PAPSS2: variants seen among roughly 807,000 people sequenced by gnomAD.
PAPSS2 encodes the protein 3'-phosphoadenosine 5'-phosphosulfate synthase 2.
In PAPSS2, 61 loss-of-function variants were observed where a neutral mutation model predicts 66.5. The ratio of observed to expected loss-of-function variants is 0.92; its 90% CI spans 0.75 to 1.14. The LOEUF is 1.14. PAPSS2 is among the 50% of genes most tolerant of loss of function. The probability of loss-of-function intolerance (pLI) is 0.00; values close to 1 mark genes in which losing one functional copy is unlikely to be tolerated. For missense variants in PAPSS2, 708 were observed against 789.6 expected (o/e 0.90, Z 1.24); for synonymous variants, 289 against 287.5 (o/e 1.01, Z -0.05).
chr10:87,686,389 G>C (rs375538016), intron 1 of PAPSS2, among the ~76,000 whole-genome samples: 6 of 150,308 alleles, frequency 4.0e-5, no homozygotes, highest in Non-Finnish European at 8.9e-5. Flanking sequence ...GGTTAATAGA[G>C]GGGGAGGGTG....
At chr10:87,699,562 A>T (rs1853276220) in intron 1 of PAPSS2, among the ~76,000 whole-genome samples, 1 of 152,238 alleles carries the variant, frequency 6.6e-6, no homozygotes, top group African/African-American at 2.4e-5. Flanking sequence ...CTTAAGAATC[A>T]AACCATTGTC....
intron 1 of PAPSS2, among the ~76,000 whole-genome samples, chr10:87,701,319 CCTTCCTTCCTTT>C (rs1412905993): frequency 0.017 from 1,622 of 94,818 alleles, 23 homozygotes; most frequent in Middle Eastern, 0.026. Context: ...TTCCTTCCTT[CCTTCCTTCCTTT>C]CTTTCTTTCT....
intron 1 of PAPSS2, among the ~76,000 whole-genome samples, chr10:87,706,108 A>ATATATATATATATATATATATGTGTG: frequency 5.8e-5 from 3 of 52,014 alleles, no homozygotes; most frequent in African/African-American, 3.0e-4. Flanking sequence ...ATATATATAT[A>ATATATATATATATATATATATGTGTG]TGTGTGTGTG....
intron 10 of PAPSS2, among the ~76,000 whole-genome samples, chr10:87,742,912 C>A (rs957264812): frequency 3.9e-5 from 6 of 152,216 alleles, no homozygotes; most frequent in African/African-American, 1.4e-4. Context: ...TGGATTAACA[C>A]CTCTAAAGAC....
chr10:87,701,846 A>G (rs1358925617), intron 1 of PAPSS2, among the ~76,000 whole-genome samples: 2 of 152,256 alleles, frequency 1.3e-5, no homozygotes, highest in African/African-American at 4.8e-5. Flanking sequence ...TATTCTTACC[A>G]AAATAAGTAC....
At position 87,715,068 on chromosome 10, in the gene PAPSS2, T is replaced by C. The variant is rs1416243597; in HGVS notation, c.723T>C (p.Ala241=). 44 of 1,611,168 alleles carry C rather than the reference T, an allele frequency of 2.7e-5. No individual in the cohort carries two copies. The highest frequency in any genetic ancestry group is 3.6e-5 in the Non-Finnish European group (42 of 1,177,432). ...ENKLDHVRAE[A]ETLPSLSITK... Reference sequence around the variant, plus strand: ...AACTTGACCACGTCCGAGCTGAGGCTGAAACTCTCCCTTCATTATCAATTA... The same window carrying C: ...AACTTGACCACGTCCGAGCTGAGGCCGAAACTCTCCCTTCATTATCAATTA... The change falls in exon 6 of 13, where the codon GCT becomes GCC. Residue 241 remains alanine (A), a synonymous_variant. Transcript: ENST00000456849.
At chr10:87,719,535 T>A (rs1169352117) in intron 7 of PAPSS2, among the ~76,000 whole-genome samples, 1 of 152,160 alleles carries the variant, frequency 6.6e-6, no homozygotes, top group Non-Finnish European at 1.5e-5. Context: ...GGCGGGAGGA[T>A]CACTTGAGCC....
chr10:87,698,674 A>G (rs1300868585), intron 1 of PAPSS2, among the ~76,000 whole-genome samples: 2 of 152,142 alleles, frequency 1.3e-5, no homozygotes, highest in East Asian at 3.8e-4. Context: ...TTTATTCACA[A>G]TCTCTCTTTA....
intron 9 of PAPSS2, among the ~76,000 whole-genome samples, chr10:87,733,422 T>A (rs1009599645): frequency 6.6e-6 from 1 of 152,216 alleles, no homozygotes; most frequent in Non-Finnish European, 1.5e-5. Context: ...AAGTAGTAAT[T>A]ATTTTTCACA....
chr10:87,732,580 C>T (rs1853743011), intron 9 of PAPSS2, among the ~76,000 whole-genome samples: 1 of 152,004 alleles, frequency 6.6e-6, no homozygotes, highest in African/African-American at 2.4e-5. Flanking sequence ...CCATTGCACA[C>T]TTCATAGACT....
chr10:87,743,705 A>T, intron 11 of PAPSS2, 64 bp downstream of exon 11: 2 of 1,569,770 alleles, frequency 1.3e-6, no homozygotes, highest in Middle Eastern at 3.3e-4. Context: ...TACATAGAAG[A>T]GTAAATGAGT....
intron 8 of PAPSS2, among the ~76,000 whole-genome samples, chr10:87,725,536 C>T (rs758005754): frequency 2.0e-4 from 31 of 152,114 alleles, no homozygotes; most frequent in African/African-American, 4.1e-4. Context: ...ACTGTGGTTG[C>T]GTTAGCAAGA....
intron 1 of PAPSS2, among the ~76,000 whole-genome samples, chr10:87,701,319 C>T (rs563940865): frequency 2.8e-4 from 27 of 95,536 alleles, no homozygotes; most frequent in African/African-American, 1.2e-3. Context: ...TTCCTTCCTT[C>T]CTTCCTTCCT....
At chr10:87,671,797 G>A (rs935452064) in intron 1 of PAPSS2, among the ~76,000 whole-genome samples, 5 of 152,148 alleles carry the variant, frequency 3.3e-5, no homozygotes, top group Non-Finnish European at 5.9e-5. Context: ...CAGATAGGTA[G>A]CAAAGTACAG....
intron 1 of PAPSS2, among the ~76,000 whole-genome samples, chr10:87,679,982 TCGTGCCACTG>T (rs1264210990): frequency 6.7e-6 from 1 of 150,086 alleles, no homozygotes; most frequent in Non-Finnish European, 1.5e-5. Context: ...GCCACCATGA[TCGTGCCACTG>T]CGCTCCAGCC....
At chr10:87,723,528 A>G (rs1853622015) in intron 8 of PAPSS2, among the ~76,000 whole-genome samples, 1 of 152,196 alleles carries the variant, frequency 6.6e-6, no homozygotes, top group Non-Finnish European at 1.5e-5. Flanking sequence ...TAGCTGCTCT[A>G]ATTGCCCGAG....
chr10:87,723,541 C>T (rs550493166), intron 8 of PAPSS2, among the ~76,000 whole-genome samples: 16 of 152,180 alleles, frequency 1.1e-4, no homozygotes, highest in Middle Eastern at 6.8e-3. Context: ...TGCCCGAGAA[C>T]GTTGAAACAA....
chr10:87,677,434 C>G (rs901062876), intron 1 of PAPSS2, among the ~76,000 whole-genome samples: 1 of 152,064 alleles, frequency 6.6e-6, no homozygotes, highest in African/African-American at 2.4e-5. Flanking sequence ...ACAATTTGTC[C>G]TTTTCCTCTA....
intron 8 of PAPSS2, among the ~76,000 whole-genome samples, chr10:87,726,708 G>A (rs1853663717): frequency 6.6e-6 from 1 of 152,132 alleles, no homozygotes; most frequent in Non-Finnish European, 1.5e-5. Context: ...CAAACACACA[G>A]CTGTCATAAG....
Sources: gnomAD v4.1 joint callset for allele counts (sites outside exome capture counted in the v4.1 genomes callset) on GRCh38, gnomAD v4.1.1 for gene constraint, MANE v1.5 for transcripts, NCBI Gene and HGNC (gene_info 2026-07-23, HGNC 2026-07-21) for gene names.